The following SPIDR variants were observed in gnomAD, a reference collection of about 807,000 sequenced individuals.
The protein encoded by SPIDR is scaffold protein involved in DNA repair.
A neutral mutation model predicts 104.6 loss-of-function variants in SPIDR; 93 were observed. The observed-to-expected ratio is 0.89, with a 90% CI of 0.75 to 1.06. SPIDR has a LOEUF of 1.06. Among genes scored for constraint, SPIDR ranks in the 50% least tolerant of loss-of-function variants. SPIDR has a pLI of 0.00. For synonymous variants in SPIDR, 431 were observed against 416.9 expected, an observed-to-expected ratio of 1.03 and a Z score of -0.41; for missense variants, 1,154 against 1,111.2, an observed-to-expected ratio of 1.04 and a Z score of -0.55.
In SPIDR at chr8:47,330,569, G is replaced by A. The variant is rs140707352; in HGVS notation, c.525+36539G>A. Reference sequence around the variant, plus strand: ...CACTGATCTTTTTACCATCTCTATAGTTTTGCCTTATCCAGAATGTCATAC... The same window carrying A: ...CACTGATCTTTTTACCATCTCTATAATTTTGCCTTATCCAGAATGTCATAC... On this transcript the variant is annotated intron_variant, in intron 5 of 19. Coordinates refer to ENST00000297423, the MANE Select transcript of SPIDR (RefSeq NM_001080394.4). Among the ~76,000 whole-genome samples the A allele has an allele frequency of 1.7e-4, 26 of 152,184 alleles. 1 individual carries two copies. Among genetic ancestry groups the A allele is most frequent in the African/African-American group, 6.0e-4 (25 of 41,526 alleles).
intron 5 of SPIDR, among the ~76,000 whole-genome samples, chr8:47,309,426 G>A (rs1554583522): frequency 6.6e-6 from 1 of 152,022 alleles, no homozygotes; most frequent in East Asian, 1.9e-4. Context: ...TTCTCTTTAT[G>A]AAAGTGAGTA....
At chr8:47,477,643 C>T (rs1199841820) in intron 8 of SPIDR, among the ~76,000 whole-genome samples, 2 of 152,202 alleles carry the variant, frequency 1.3e-5, no homozygotes, top group East Asian at 3.8e-4. Flanking sequence ...AGCTACTGCT[C>T]AATAAATGAT....
intron 8 of SPIDR, among the ~76,000 whole-genome samples, chr8:47,442,231 A>T (rs1554697785): frequency 6.6e-6 from 1 of 152,102 alleles, no homozygotes; most frequent in African/African-American, 2.4e-5. Flanking sequence ...TCTTACCCTC[A>T]CCTCTTCAAT....
rs77198102 is a variant in SPIDR, at chr8:47,483,978, C to T, written c.1097+43436C>T. ...CCTGGAAAATTACCAAGTACAGCTT[C>T]GTGTTAAAAAAAAAAAAATGTCGAT... On this transcript the variant is annotated intron_variant, in intron 8 of 19. Coordinates refer to ENST00000297423, the MANE Select transcript of SPIDR (RefSeq NM_001080394.4). Among the ~76,000 whole-genome samples, 629 of 148,120 alleles carry T rather than the reference C, an allele frequency of 4.2e-3. 5 individuals are homozygous for T. The highest frequency in any genetic ancestry group is 0.015 in the African/African-American group (594 of 38,930).
At chr8:47,413,583 T>G (rs979372710) in intron 7 of SPIDR, among the ~76,000 whole-genome samples, 9 of 152,376 alleles carry the variant, frequency 5.9e-5, no homozygotes, top group African/African-American at 1.9e-4. Context: ...ATTATAGCAT[T>G]GACAAATTGT....
chr8:47,416,923 G>T (rs1285776753), intron 7 of SPIDR, among the ~76,000 whole-genome samples: 1 of 151,992 alleles, frequency 6.6e-6, no homozygotes, highest in Non-Finnish European at 1.5e-5. Flanking sequence ...ATGGTTTCCA[G>T]CTTCATCCAT....
At chr8:47,654,071 T>C in intron 10 of SPIDR, 1 of 1,289,762 alleles carries the variant, frequency 7.8e-7, no homozygotes, top group Non-Finnish European at 1.0e-6. Context: ...AGCAGCATCT[T>C]GATCTTCTTA....
At chr8:47,519,978 A>G (rs2083794210) in intron 8 of SPIDR, among the ~76,000 whole-genome samples, 1 of 152,192 alleles carries the variant, frequency 6.6e-6, no homozygotes, top group Non-Finnish European at 1.5e-5. Context: ...ACCTCTCGTC[A>G]TTATATTAAG....
intron 10 of SPIDR, among the ~76,000 whole-genome samples, chr8:47,647,873 G>A (rs1246511862): frequency 6.6e-6 from 1 of 152,066 alleles, no homozygotes; most frequent in Non-Finnish European, 1.5e-5. Context: ...TCTGGTACTT[G>A]AGGATGCAAG....
At chr8:47,298,127 C>A (rs1412496851) in intron 5 of SPIDR, among the ~76,000 whole-genome samples, 1 of 152,166 alleles carries the variant, frequency 6.6e-6, no homozygotes, top group Non-Finnish European at 1.5e-5. Flanking sequence ...CTGTTGTTTC[C>A]TGACTTTTTA....
intron 8 of SPIDR, among the ~76,000 whole-genome samples, chr8:47,503,589 A>G (rs1464405110): frequency 2.0e-5 from 3 of 152,086 alleles, no homozygotes; most frequent in East Asian, 1.9e-4. Context: ...ACTCTATCCA[A>G]TTTGCCAGTC....
At chr8:47,421,976 T>G (rs1244426384) in intron 7 of SPIDR, among the ~76,000 whole-genome samples, 1 of 152,200 alleles carries the variant, frequency 6.6e-6, no homozygotes, top group Non-Finnish European at 1.5e-5. Context: ...GGAAGTTTTG[T>G]CTCAGAGGAG....
At chr8:47,595,773 A>G in intron 8 of SPIDR, 38 bp from the exon 9 acceptor site, 2 of 1,594,486 alleles carry the variant, frequency 1.3e-6, no homozygotes, top group Non-Finnish European at 1.7e-6. Flanking sequence ...GGACCCCAAT[A>G]TTGCAAAGAA....
intron 16 of SPIDR, among the ~76,000 whole-genome samples, chr8:47,722,853 G>C (rs1303820310): frequency 6.7e-6 from 1 of 150,092 alleles, no homozygotes; most frequent in Non-Finnish European, 1.5e-5. Flanking sequence ...CCATATTTTG[G>C]TTTTAATATT....
chr8:47,594,023 C>T (rs1387792376), intron 8 of SPIDR, among the ~76,000 whole-genome samples: 1 of 151,510 alleles, frequency 6.6e-6, no homozygotes, highest in African/African-American at 2.4e-5. Flanking sequence ...CAGGTAGTCT[C>T]TCCATTGTCA....
intron 5 of SPIDR, among the ~76,000 whole-genome samples, chr8:47,381,513 T>C (rs781894278): frequency 6.6e-6 from 1 of 152,246 alleles, no homozygotes; most frequent in Non-Finnish European, 1.5e-5. Flanking sequence ...ATGGTGCTAC[T>C]GACTGTGCTC....
At chr8:47,575,912 A>G (rs1451386065) in intron 8 of SPIDR, among the ~76,000 whole-genome samples, 1 of 150,662 alleles carries the variant, frequency 6.6e-6, no homozygotes, top group Non-Finnish European at 1.5e-5. Flanking sequence ...GTGAGCCGAG[A>G]TCGCGCCACT....
chr8:47,307,419 A>G (rs1486441480), intron 5 of SPIDR, among the ~76,000 whole-genome samples: 9 of 149,114 alleles, frequency 6.0e-5, no homozygotes, highest in Admixed American at 1.3e-4. Context: ...GGGTTCCACA[A>G]TGTTGGCCCA....
Position 47,343,552 on chromosome 8 carries a change from T to C in SPIDR, c.525+49522T>C, listed in dbSNP as rs547103247. On this transcript the variant is annotated intron_variant, in intron 5 of 19. Transcript: ENST00000297423. ...AGCCTGAGGATTTCTTGTGCGCCAGTCTCTCAAAGCTGAGGAAAGCTGCCT... is the reference window on the plus strand; with the variant it reads ...AGCCTGAGGATTTCTTGTGCGCCAGCCTCTCAAAGCTGAGGAAAGCTGCCT... Among the ~76,000 whole-genome samples, 14 of 152,308 alleles carry C rather than the reference T, an allele frequency of 9.2e-5. No homozygotes were observed. The South Asian group carries it at 2.9e-3, about 32-fold the overall frequency.
Sources: gnomAD v4.1 joint callset for allele counts (sites outside exome capture counted in the v4.1 genomes callset) on GRCh38, gnomAD v4.1.1 for gene constraint, MANE v1.5 for transcripts, NCBI Gene and HGNC (gene_info 2026-07-23, HGNC 2026-07-21) for gene names.